The following CNTLN variants were observed in gnomAD, a reference collection of about 807,000 sequenced individuals.
CNTLN encodes the protein centlein, centrosomal protein.
A neutral mutation model predicts 180.0 loss-of-function variants in CNTLN; 212 were observed. That is an observed-to-expected ratio of 1.18 (90% CI 1.05 to 1.32). CNTLN has a LOEUF of 1.32. Ranked by LOEUF, CNTLN falls within the 40% of genes most tolerant of loss-of-function variation. The pLI, the probability that CNTLN is intolerant of heterozygous loss-of-function variation, is 0.00. For synonymous variants in CNTLN, 722 were observed against 563.1 expected (o/e 1.28, Z -3.99); for missense variants, 2,095 against 1,610.9 (o/e 1.30, Z -5.14).
chr9:17,349,000 G>C (rs1203069230), intron 12 of CNTLN, among the ~76,000 whole-genome samples: 2 of 151,476 alleles, frequency 1.3e-5, no homozygotes, highest in Admixed American at 1.3e-4. Flanking sequence ...AGCATTTTTT[G>C]TTTCTGTTCA....
rs1432727152 is a variant in CNTLN at position 17,206,555 on chromosome 9, C to A, written c.450-19648C>A. Among the ~76,000 whole-genome samples the A allele has an allele frequency of 2.6e-5, 4 of 152,184 alleles. No homozygotes were observed. In the East Asian group the frequency reaches 7.7e-4, roughly 29 times the overall value. ...GTTTTTATTAATTGTGCTTTTAATT[C>A]TCCTGTGCTTATCCTGTATCTGTAA... On this transcript the variant is annotated intron_variant, in intron 2 of 25. Transcript: ENST00000380647.
At chr9:17,470,533 T>C (rs1831998752) in intron 23 of CNTLN, among the ~76,000 whole-genome samples, 1 of 151,966 alleles carries the variant, frequency 6.6e-6, no homozygotes, top group Non-Finnish European at 1.5e-5. Context: ...AGTGGCCATC[T>C]GTTCTAGATC....
intron 18 of CNTLN, among the ~76,000 whole-genome samples, chr9:17,438,062 C>T (rs1485157591): frequency 6.6e-6 from 1 of 152,146 alleles, no homozygotes; most frequent in Non-Finnish European, 1.5e-5. Flanking sequence ...GGCTGTGGTT[C>T]TCAACCCTGA....
In CNTLN at chr9:17,484,475, C is replaced by T. The variant is rs977090785; in HGVS notation, c.4036C>T (p.Gln1346Ter). 3 of 1,592,504 alleles carry T rather than the reference C, an allele frequency of 1.9e-6. No individual in the cohort carries two copies. In the East Asian group the frequency reaches 6.7e-5, roughly 36 times the overall value. ...DLEEILDTED[Q>*]VEIEKTKIDA... is the part of the protein sequence containing the mutation. ...AGAGGAAATATTAGACACAGAAGAT[C>T]AAGTGGTAAGATCATTTAAATATTT... Residue 1346 changes from glutamine (Q) to a stop codon, truncating the protein, a stop_gained, in exon 24 of 26, where the codon CAA becomes TAA. Coordinates refer to ENST00000380647, the MANE Select transcript of CNTLN (RefSeq NM_017738.4). LOFTEE classifies it high-confidence loss of function.
At chr9:17,298,983 C>G in intron 7 of CNTLN, 1 of 968,750 alleles carries the variant, frequency 1.0e-6, no homozygotes, top group South Asian at 4.8e-5. Flanking sequence ...GTGGCTCATG[C>G]CTGTAATCCC....
chr9:17,526,927 G>A, the CNTLN span, among the ~76,000 whole-genome samples: 1 of 152,012 alleles, frequency 6.6e-6, no homozygotes, highest in African/African-American at 2.4e-5. Context: ...GCCCAGGCTG[G>A]AGTTCTGTTG....
intron 8 of CNTLN, among the ~76,000 whole-genome samples, chr9:17,317,073 A>G (rs953405709): frequency 1.3e-5 from 2 of 152,018 alleles, no homozygotes; most frequent in Non-Finnish European, 2.9e-5. Context: ...AGAAGATATC[A>G]TGTCGTTATC....
At chr9:17,397,053 AC>A (rs1358649282) in intron 15 of CNTLN, among the ~76,000 whole-genome samples, 1 of 152,184 alleles carries the variant, frequency 6.6e-6, no homozygotes, top group Non-Finnish European at 1.5e-5. Context: ...TTCTATCTTA[AC>A]CACTTGGTAC....
the CNTLN span, among the ~76,000 whole-genome samples, chr9:17,512,802 T>C: frequency 6.6e-6 from 1 of 152,276 alleles, no homozygotes; most frequent in South Asian, 2.1e-4. Flanking sequence ...AGGACTTTTA[T>C]AGTCTATCAT....
intron 1 of CNTLN, among the ~76,000 whole-genome samples, chr9:17,140,854 CAA>C (rs1388510974): frequency 6.6e-6 from 1 of 151,918 alleles, no homozygotes; most frequent in African/African-American, 2.4e-5. Context: ...TATTAAAAAA[CAA>C]AAATTCCAGA....
At chr9:17,426,913 C>A (rs1408524421) in intron 18 of CNTLN, among the ~76,000 whole-genome samples, 2 of 152,114 alleles carry the variant, frequency 1.3e-5, no homozygotes, top group African/African-American at 2.4e-5. Flanking sequence ...CTGACCTACA[C>A]TGAAAAATTC....
At chr9:17,253,543 G>A (rs1399788704) in intron 5 of CNTLN, among the ~76,000 whole-genome samples, 1 of 151,084 alleles carries the variant, frequency 6.6e-6, no homozygotes, top group Non-Finnish European at 1.5e-5. Flanking sequence ...AAGTAGAATT[G>A]CTTTTTTGAT....
At chr9:17,329,712 CA>C (rs1820520843) in intron 8 of CNTLN, among the ~76,000 whole-genome samples, 1 of 151,426 alleles carries the variant, frequency 6.6e-6, no homozygotes, top group African/African-American at 2.4e-5. Context: ...ATTGTTGGTT[CA>C]AAAAAGTTAA....
At chr9:17,359,242 C>T (rs996245717) in intron 12 of CNTLN, among the ~76,000 whole-genome samples, 1 of 151,986 alleles carries the variant, frequency 6.6e-6, no homozygotes, top group Non-Finnish European at 1.5e-5. Flanking sequence ...TGGTCTCAAA[C>T]TCCTGAGCTC....
rs1832197731 is a variant in CNTLN at position 17,474,148 on chromosome 9, C to G, written c.3855+7257C>G. Among the ~76,000 whole-genome samples, 4 of 152,080 alleles carry G rather than the reference C, an allele frequency of 2.6e-5. No individual in the cohort carries two copies. In the South Asian group the frequency reaches 8.3e-4, roughly 32 times the overall value. ...GATGCCATATTCTGACCTATGACTCCCTAATATATATCTGTTCTCATCCTG... is the reference window on the plus strand; with the variant it reads ...GATGCCATATTCTGACCTATGACTCGCTAATATATATCTGTTCTCATCCTG... On this transcript the variant is annotated intron_variant, in intron 23 of 25. Coordinates refer to ENST00000380647, the MANE Select transcript of CNTLN (RefSeq NM_017738.4).
chr9:17,210,580 G>A (rs576968033), intron 2 of CNTLN, among the ~76,000 whole-genome samples: 1 of 152,198 alleles, frequency 6.6e-6, no homozygotes, highest in African/African-American at 2.4e-5. Flanking sequence ...TATATACCCA[G>A]TAATGGGATG....
chr9:17,325,390 G>C (rs1032912988), intron 8 of CNTLN, among the ~76,000 whole-genome samples: 1 of 95,494 alleles, frequency 1.0e-5, no homozygotes, highest in Non-Finnish European at 2.5e-5. Flanking sequence ...GTGTGTGTGT[G>C]TGTGTGTGTG....
chr9:17,388,637 T>C (rs1825867337), intron 14 of CNTLN, among the ~76,000 whole-genome samples: 1 of 152,000 alleles, frequency 6.6e-6, no homozygotes, highest in African/African-American at 2.4e-5. Flanking sequence ...ATACTGAGCA[T>C]AGTTATAGTT....
intron 2 of CNTLN, among the ~76,000 whole-genome samples, chr9:17,151,841 T>G (rs1345103425): frequency 6.6e-6 from 1 of 152,192 alleles, no homozygotes; most frequent in African/African-American, 2.4e-5. Flanking sequence ...TTTCAGAACT[T>G]GTTATTGGTC....
Sources: gnomAD v4.1 joint callset for allele counts (sites outside exome capture counted in the v4.1 genomes callset) on GRCh38, gnomAD v4.1.1 for gene constraint, MANE v1.5 for transcripts, NCBI Gene and HGNC (gene_info 2026-07-23, HGNC 2026-07-21) for gene names.